Variants in AFMID observed in about 807,000 individuals in gnomAD.
AFMID encodes the protein kynurenine formamidase.
In AFMID, 39 loss-of-function variants were observed where a neutral mutation model predicts 47.5. The observed-to-expected ratio is 0.82, with a 90% CI of 0.64 to 1.07. The LOEUF (loss-of-function observed/expected upper bound fraction) is 1.07. Ranked by LOEUF, AFMID falls within the 50% of genes least tolerant of loss-of-function variation. The pLI, the probability that AFMID is intolerant of heterozygous loss-of-function variation, is 0.00. For missense variants in AFMID, 375 were observed against 387.5 expected, an observed-to-expected ratio of 0.97 and a Z score of 0.27; for synonymous variants, 130 against 153.2, an observed-to-expected ratio of 0.85 and a Z score of 1.12.
At chr17:78,199,412 A>G (rs963152789) in intron 2 of AFMID, among the ~76,000 whole-genome samples, 2 of 145,260 alleles carry the variant, frequency 1.4e-5, no homozygotes, top group African/African-American at 2.6e-5. Flanking sequence ...GTCTTGCTCT[A>G]TTGCCCAGGC....
chr17:78,190,860 T>G, intron 1 of AFMID, 110 bp from the exon 2 acceptor site: 1 of 899,192 alleles, frequency 1.1e-6, no homozygotes, highest in African/African-American at 1.7e-5. Flanking sequence ...CCTGGGATAC[T>G]GGGGCGAGGG....
At chr17:78,192,190 T>TC (rs1413174833) in intron 2 of AFMID, among the ~76,000 whole-genome samples, 3 of 148,354 alleles carry the variant, frequency 2.0e-5, no homozygotes, top group African/African-American at 7.5e-5. Flanking sequence ...TTTTTTTTTT[T>TC]AGTAGAGATA....
In AFMID at chr17:78,187,380, G is replaced by A; in HGVS notation, c.10G>A (p.Val4Met). 6.2e-7 allele frequency: 1 copy of A among 1,613,974 alleles called. No homozygotes were observed. Among genetic ancestry groups the A allele is most frequent in the Non-Finnish European group, 8.5e-7 (1 of 1,179,974 alleles). Residue 4 changes from valine to methionine, a missense_variant, in exon 1 of 11, where the codon GTG (valine) becomes ATG (methionine). Physicochemically the swap from Val to Met is conservative, Grantham distance 21. Transcript: ENST00000409257. MMDVSGVGFPSKVP... is the reference protein window; with the variant it reads MMDMSGVGFPSKVP... The stretch of plus-strand genomic sequence containing the variant: ...TGCGGCTGTAGACGCCATGATGGAT[G>A]TGTCTGGTGTGGGTTTCCCAAGCAA...
chr17:78,204,627 C>G (rs2076328581), intron 4 of AFMID, 29 bp from the exon 5 acceptor site: 1 of 1,613,482 alleles, frequency 6.2e-7, no homozygotes, highest in Non-Finnish European at 8.5e-7. Context: ...CAAGCTGCCT[C>G]CAGCTGTCAC....
intron 2 of AFMID, among the ~76,000 whole-genome samples, chr17:78,195,202 T>C (rs1426648730): frequency 1.3e-5 from 2 of 151,934 alleles, no homozygotes; most frequent in Admixed American, 6.6e-5. Context: ...CTTTTTTTTT[T>C]TCTTTTGAGA....
chr17:78,205,738 G>C lies in AFMID; in HGVS notation c.780G>C (p.Gln260His). 1 of 1,608,738 alleles carries C rather than the reference G, an allele frequency of 6.2e-7. No homozygotes were observed. Among genetic ancestry groups the C allele is most frequent in the Non-Finnish European group, 8.5e-7 (1 of 1,179,994 alleles). Reference protein sequence around the residue: ...EFHRQSWEFYQTLCQGEWKAS... With the variant: ...EFHRQSWEFYHTLCQGEWKAS... ...ACCGACAGTCCTGGGAGTTTTACCA[G>C]GTACTCCCAGTGCAGGTTTGTGGCC... The change falls in exon 9 of 11, where the codon CAG becomes CAC. Residue 260 changes from glutamine to histidine, a missense_variant and splice_region_variant. Coordinates refer to ENST00000409257, the MANE Select transcript of AFMID (RefSeq NM_001010982.5).
At chr17:78,201,793 T>G (rs564830512) in intron 2 of AFMID, among the ~76,000 whole-genome samples, 3 of 151,718 alleles carry the variant, frequency 2.0e-5, no homozygotes, top group Non-Finnish European at 2.9e-5. Context: ...TGCAGTGGCG[T>G]GATCTCAGCT....
chr17:78,193,513 A>C (rs1349936548), intron 2 of AFMID, among the ~76,000 whole-genome samples: 1 of 151,538 alleles, frequency 6.6e-6, no homozygotes, highest in Admixed American at 6.6e-5. Context: ...TTCAAGTCAT[A>C]TGAATGAAAG....
intron 2 of AFMID, among the ~76,000 whole-genome samples, chr17:78,193,598 G>A (rs190192376): frequency 6.6e-6 from 1 of 151,652 alleles, no homozygotes; most frequent in African/African-American, 2.4e-5. Flanking sequence ...TGTAATCCCA[G>A]TACTGTGGGA....
chr17:78,189,003 A>G (rs1297721460), intron 1 of AFMID, among the ~76,000 whole-genome samples: 1 of 152,032 alleles, frequency 6.6e-6, no homozygotes. Context: ...AAGTGCTGAG[A>G]TTACAGGTGT....
chr17:78,189,870 C>T (rs1397270249), intron 1 of AFMID, among the ~76,000 whole-genome samples: 1 of 133,430 alleles, frequency 7.5e-6, no homozygotes. Flanking sequence ...CTCACTCTGT[C>T]GCCCAGGCTG....
At chr17:78,190,554 C>T (rs548026080) in intron 1 of AFMID, among the ~76,000 whole-genome samples, 22 of 152,292 alleles carry the variant, frequency 1.4e-4, no homozygotes, top group Admixed American at 1.2e-3. Context: ...CCACCACGCT[C>T]GGCTAGTTTT....
intron 2 of AFMID, among the ~76,000 whole-genome samples, chr17:78,195,554 G>A (rs1023978278): frequency 6.7e-6 from 1 of 148,862 alleles, no homozygotes; most frequent in Non-Finnish European, 1.5e-5. Context: ...CCAGGCTGGA[G>A]TGCAATGGCG....
At chr17:78,188,773 AT>A (rs1292839298) in intron 1 of AFMID, among the ~76,000 whole-genome samples, 3 of 151,774 alleles carry the variant, frequency 2.0e-5, no homozygotes. Context: ...ATTTTTTTGT[AT>A]TTTTAGTAGA....
At chr17:78,202,809 C>G in intron 4 of AFMID, 58 bp downstream of exon 4, 4 of 1,536,700 alleles carry the variant, frequency 2.6e-6, no homozygotes, top group Non-Finnish European at 3.5e-6. Context: ...CCCTGGGGGA[C>G]TCCTCCTCCA....
At chr17:78,198,442 T>TA (rs2076164161) in intron 2 of AFMID, among the ~76,000 whole-genome samples, 3 of 137,012 alleles carry the variant, frequency 2.2e-5, no homozygotes, top group Admixed American at 7.3e-5. Flanking sequence ...CTACTACAAA[T>TA]ACAAAAAAAA....
chr17:78,192,971 T>TG (rs911250166), intron 2 of AFMID, among the ~76,000 whole-genome samples: 1 of 151,880 alleles, frequency 6.6e-6, no homozygotes, highest in Non-Finnish European at 1.5e-5. Context: ...CTCAATAGAT[T>TG]GGGGGGGAGC....
intron 2 of AFMID, among the ~76,000 whole-genome samples, chr17:78,194,755 C>T (rs541142395): frequency 2.0e-5 from 3 of 151,968 alleles, no homozygotes; most frequent in Non-Finnish European, 2.9e-5. Context: ...AGTGCAATGG[C>T]GCAATCTCGG....
intron 4 of AFMID, chr17:78,203,764 C>T (rs1182320891): frequency 1.3e-5 from 2 of 152,142 alleles, no homozygotes. Flanking sequence ...TGGCTCACGC[C>T]TGTAATCCCA....
Sources: gnomAD v4.1 joint callset for allele counts (sites outside exome capture counted in the v4.1 genomes callset) on GRCh38, gnomAD v4.1.1 for gene constraint, MANE v1.5 for transcripts, NCBI Gene and HGNC (gene_info 2026-07-23, HGNC 2026-07-21) for gene names.